The following AOX1 variants were observed in gnomAD, a reference collection of about 807,000 sequenced individuals.
AOX1 encodes the protein aldehyde oxidase.
In AOX1, 153 loss-of-function variants were observed where a neutral mutation model predicts 169.5. The observed-to-expected ratio is 0.90, with a 90% CI of 0.79 to 1.03. The LOEUF (loss-of-function observed/expected upper bound fraction) is 1.03, where lower values mean the gene tolerates loss of function less well. AOX1 is among the 50% of genes least tolerant of loss of function. AOX1 has a pLI of 0.00. For missense variants in AOX1, 1,656 were observed against 1,663.9 expected (o/e 1.00, Z 0.08); for synonymous variants, 562 against 581.9 (o/e 0.97, Z 0.49).
rs911422957 is a variant in AOX1 at position 200,627,523 on chromosome 2, T to C, written c.2221+74T>C. ...TCAGTTTAAGGCTTCCTTTGTCTTCTGGAAATCATCGGGCAGCCTAGGGGG... is the reference window on the plus strand; with the variant it reads ...TCAGTTTAAGGCTTCCTTTGTCTTCCGGAAATCATCGGGCAGCCTAGGGGG... On this transcript the variant is annotated intron_variant, in intron 20 of 34. Transcript: ENST00000374700. The C allele has an allele frequency of 2.0e-5, 22 of 1,120,750 alleles. No homozygotes were observed. The African/African-American group carries it at 3.1e-4, about 16-fold the overall frequency. The allele number at this position is 1,120,750 out of a possible 1,614,324, so 69.4% of individuals were successfully genotyped here.
intron 34 of AOX1, among the ~76,000 whole-genome samples, chr2:200,670,144 A>G (rs2035999550): frequency 6.6e-6 from 1 of 151,962 alleles, no homozygotes; most frequent in African/African-American, 2.4e-5. Context: ...CCAAACGGGC[A>G]CCCGGAAAGT....
At chr2:200,659,026 T>G in intron 27 of AOX1, 139 bp from the exon 28 acceptor site, 1 of 700,488 alleles carries the variant, frequency 1.4e-6, no homozygotes, top group Non-Finnish European at 2.2e-6. Context: ...AAACTTTTCA[T>G]GGCTGGAGGA....
At chr2:200,643,020 G>A (rs2035384961) in intron 25 of AOX1, among the ~76,000 whole-genome samples, 2 of 152,066 alleles carry the variant, frequency 1.3e-5, no homozygotes, top group South Asian at 4.1e-4. Context: ...AAGATCCTGA[G>A]GACTGAGCAC....
downstream of AOX1, chr2:200,678,568 C>T (rs2036128308): frequency 6.6e-6 from 1 of 152,148 alleles, no homozygotes; most frequent in African/African-American, 2.4e-5. Flanking sequence ...ATGATTCTTA[C>T]TATTCAGAAA....
intron 1 of AOX1, among the ~76,000 whole-genome samples, chr2:200,590,602 A>G (rs2034149711): frequency 6.6e-6 from 1 of 152,162 alleles, no homozygotes; most frequent in Admixed American, 6.5e-5. Context: ...CACATTTCAA[A>G]CTGGTGGGAC....
chr2:200,652,346 A>G (rs1392750931), intron 26 of AOX1, among the ~76,000 whole-genome samples: 1 of 152,230 alleles, frequency 6.6e-6, no homozygotes, highest in African/African-American at 2.4e-5. Context: ...TTGTGATGGC[A>G]AAAAATAACA....
chr2:200,619,194 G>A lies in AOX1; in HGVS notation c.1705-1456G>A, dbSNP rs144899280. On this transcript the variant is annotated intron_variant, in intron 16 of 34. Transcript: ENST00000374700. Reference sequence around the variant, plus strand: ...CCCAGTAAAGATTTTTAACCAGTATGTGTTGGCGACTTGTTCTCTCTTCCC... The same window carrying A: ...CCCAGTAAAGATTTTTAACCAGTATATGTTGGCGACTTGTTCTCTCTTCCC... 1.2e-4 allele frequency among the ~76,000 whole-genome samples: 19 copies of A among 152,256 alleles called. No homozygotes were observed. In the East Asian group the frequency reaches 3.7e-3, roughly 29 times the overall value.
intron 16 of AOX1, among the ~76,000 whole-genome samples, chr2:200,616,602 C>G (rs1056700783): frequency 6.6e-6 from 1 of 152,192 alleles, no homozygotes; most frequent in Non-Finnish European, 1.5e-5. Context: ...TTGAATCAAA[C>G]GTAAGTACTA....
At chr2:200,602,231 C>A (rs2248130) in intron 5 of AOX1, 53 bp from the exon 6 acceptor site, 1 of 1,454,236 alleles carries the variant, frequency 6.9e-7, no homozygotes, top group Non-Finnish European at 9.6e-7. Flanking sequence ...TCTTGGTAGA[C>A]TGTGCCTCTA....
At chr2:200,653,935 G>A (rs2035628858) in intron 26 of AOX1, among the ~76,000 whole-genome samples, 1 of 151,968 alleles carries the variant, frequency 6.6e-6, no homozygotes, top group South Asian at 2.1e-4. Context: ...ATCCATATAA[G>A]ACAGCAAACT....
chr2:200,642,095 C>G (rs1244055078), intron 24 of AOX1, among the ~76,000 whole-genome samples: 8 of 152,068 alleles, frequency 5.3e-5, no homozygotes, highest in South Asian at 2.1e-4. Context: ...CACCATTACA[C>G]TCCAGCCTGG....
intron 31 of AOX1, among the ~76,000 whole-genome samples, chr2:200,663,583 C>T (rs111453471): frequency 3.2e-5 from 3 of 94,996 alleles, no homozygotes; most frequent in Non-Finnish European, 4.6e-5. Context: ...CTCTCTCTCT[C>T]TCTCTCTCTC....
rs756765092 is a variant in AOX1 at position 200,609,301 on chromosome 2, T to C, written c.1060-20T>C. ...TTTTTTATGATTACATAAATGAAAA[T>C]AACTCATTATTTTTAAAAGTCTTTA... On this transcript the variant is annotated intron_variant, in intron 11 of 34. Coordinates refer to ENST00000374700, the MANE Select transcript of AOX1 (RefSeq NM_001159.4). 13 of 1,609,918 alleles carry C rather than the reference T, an allele frequency of 8.1e-6. No homozygotes were observed. In the South Asian group the frequency reaches 1.3e-4, roughly 16 times the overall value.
intron 16 of AOX1, among the ~76,000 whole-genome samples, chr2:200,620,201 T>TG (rs1372180115): frequency 6.7e-4 from 27 of 40,002 alleles, no homozygotes; most frequent in African/African-American, 1.7e-3. Context: ...AATAGTGACT[T>TG]TTTTTTTTTT....
intron 21 of AOX1, among the ~76,000 whole-genome samples, chr2:200,636,599 T>A (rs2035239019): frequency 6.6e-6 from 1 of 152,144 alleles, no homozygotes; most frequent in African/African-American, 2.4e-5. Flanking sequence ...AAAGTATGAG[T>A]ACAAAAATAT....
chr2:200,625,614 G>A (rs1471097637), intron 19 of AOX1, among the ~76,000 whole-genome samples: 2 of 152,186 alleles, frequency 1.3e-5, no homozygotes, highest in Non-Finnish European at 2.9e-5. Flanking sequence ...AGGGAAATAT[G>A]CCCCTCTCCC....
At position 200,609,134 on chromosome 2, in the gene AOX1, C is replaced by A; in HGVS notation, c.1058C>A (p.Ala353Asp). ...GCTGGGTCCCAGATCAGGAACATGG[C>A]TGTATGTATCTGATGACAGTAAACT... ...TLAGSQIRNM[A>D]SLGGHIISRH... The change falls in exon 11 of 35, where the codon GCT (alanine) becomes GAT (aspartate). Residue 353 changes from alanine (A) to aspartate (D), a missense_variant and splice_region_variant. By Grantham distance (126) the Ala-to-Asp change is moderately radical. Coordinates refer to ENST00000374700, the MANE Select transcript of AOX1 (RefSeq NM_001159.4). 1 of 1,613,688 alleles carries A rather than the reference C, an allele frequency of 6.2e-7. No homozygotes were observed. Among genetic ancestry groups the A allele is most frequent in the Non-Finnish European group, 8.5e-7 (1 of 1,179,852 alleles).
chr2:200,630,811 C>T (rs1344326113), intron 20 of AOX1, among the ~76,000 whole-genome samples: 1 of 152,088 alleles, frequency 6.6e-6, no homozygotes, highest in East Asian at 1.9e-4. Context: ...TATCTGTCTT[C>T]TAAGAAAATA....
Position 200,671,360 on chromosome 2 carries a change from A to G in AOX1, c.*681A>G, listed in dbSNP as rs1251957072. ...AAGTAATTTAAAAATAGGCAAAAGA[A>G]TTGCTGGATGGTATGGTAGTTCTAT... On this transcript the variant is annotated 3_prime_UTR_variant, in exon 35 of 35. Coordinates refer to ENST00000374700, the MANE Select transcript of AOX1 (RefSeq NM_001159.4). 2 of 152,186 alleles carry G rather than the reference A, an allele frequency of 1.3e-5. No homozygotes were observed. Among genetic ancestry groups the G allele is most frequent in the Non-Finnish European group, 2.9e-5 (2 of 68,038 alleles). The allele number at this position is 152,186 out of a possible 1,614,324, so 9.4% of individuals were successfully genotyped here.
Sources: gnomAD v4.1 joint callset for allele counts (sites outside exome capture counted in the v4.1 genomes callset) on GRCh38, gnomAD v4.1.1 for gene constraint, MANE v1.5 for transcripts, NCBI Gene and HGNC (gene_info 2026-07-23, HGNC 2026-07-21) for gene names.